Variants in DNAH8 observed in about 807,000 individuals in gnomAD.
DNAH8 encodes dynein axonemal heavy chain 8.
DNAH8 carries 382 observed loss-of-function variants against 562.1 expected under a neutral mutation model. That is an observed-to-expected ratio of 0.68 (90% confidence interval 0.63 to 0.74). The LOEUF is 0.74. Among genes scored for constraint, DNAH8 ranks in the 30% least tolerant of loss-of-function variants. DNAH8 has a pLI of 0.00. For synonymous variants in DNAH8, 1,881 were observed against 1,919.4 expected, an observed-to-expected ratio of 0.98 and a Z score of 0.52; for missense variants, 5,203 against 5,620.4, an observed-to-expected ratio of 0.93 and a Z score of 2.37.
chr6:38,987,378 A>G (rs1050401296), intron 87 of DNAH8, among the ~76,000 whole-genome samples: 2 of 152,054 alleles, frequency 1.3e-5, no homozygotes, highest in African/African-American at 4.8e-5. Flanking sequence ...GCTGACTTCA[A>G]CCCTCTCCTA....
chr6:39,025,051 AT>A (rs1437805530), intron 91 of DNAH8, among the ~76,000 whole-genome samples: 14 of 152,158 alleles, frequency 9.2e-5, no homozygotes, highest in Admixed American at 9.2e-4. Flanking sequence ...GCTTCTCTCC[AT>A]CCACAGACTT....
chr6:38,930,274 AGT>A (rs1253316462), intron 75 of DNAH8, among the ~76,000 whole-genome samples: 1 of 152,102 alleles, frequency 6.6e-6, no homozygotes, highest in East Asian at 1.9e-4. Context: ...AATTTGTATA[AGT>A]GTTTCATGTT....
At chr6:38,731,682 A>G (rs1489929979) in intron 4 of DNAH8, among the ~76,000 whole-genome samples, 2 of 152,194 alleles carry the variant, frequency 1.3e-5, no homozygotes, top group African/African-American at 4.8e-5. Context: ...TACATTTATC[A>G]GTTTGGTAAA....
intron 82 of DNAH8, among the ~76,000 whole-genome samples, chr6:38,955,524 G>A (rs571534170): frequency 4.4e-4 from 67 of 152,068 alleles, no homozygotes; most frequent in African/African-American, 1.5e-3. Context: ...CCAGTTACTC[G>A]GGAGGCTGAG....
chr6:38,715,921 AATAAAT>A (rs1323560368), intron 1 of DNAH8, among the ~76,000 whole-genome samples: 27 of 43,418 alleles, frequency 6.2e-4, no homozygotes, highest in African/African-American at 1.8e-3. Flanking sequence ...TAAATAAATA[AATAAAT>A]ATATATATAT....
In DNAH8 at chr6:38,938,553, A is replaced by G. The variant is rs191931720; in HGVS notation, c.11817-245A>G. Among the ~76,000 whole-genome samples, 220 of 152,296 alleles carry G rather than the reference A, an allele frequency of 1.4e-3. 1 individual carries two copies. Among genetic ancestry groups the G allele is most frequent in the African/African-American group, 5.1e-3 (211 of 41,570 alleles). ...GGAACTAAATGATGATACCACATGG[A>G]CACATAGAGGAGAACAACAGACACT... is the stretch of plus-strand genomic sequence containing the variant. On this transcript the variant is annotated intron_variant, in intron 78 of 92. Coordinates refer to ENST00000327475, the MANE Select transcript of DNAH8 (RefSeq NM_001206927.2).
At chr6:38,768,723 TATAAG>T (rs1447357849) in intron 11 of DNAH8, among the ~76,000 whole-genome samples, 3 of 152,252 alleles carry the variant, frequency 2.0e-5, no homozygotes, top group Non-Finnish European at 4.4e-5. Flanking sequence ...TGTCTTACTA[TATAAG>T]ATGTCTCCTT....
intron 88 of DNAH8, among the ~76,000 whole-genome samples, chr6:39,003,168 C>G (rs559770782): frequency 1.3e-5 from 2 of 152,246 alleles, no homozygotes; most frequent in Admixed American, 1.3e-4. Flanking sequence ...ATTCGTGTGG[C>G]AAATTTCACA....
intron 81 of DNAH8, among the ~76,000 whole-genome samples, chr6:38,949,864 ATGC>A (rs1761740954): frequency 6.6e-6 from 1 of 152,202 alleles, no homozygotes; most frequent in South Asian, 2.1e-4. Context: ...CGTGAAAAAT[ATGC>A]TTTTAATATT....
chr6:38,952,666 A>G (rs768147765), intron 82 of DNAH8, among the ~76,000 whole-genome samples: 16 of 152,164 alleles, frequency 1.1e-4, no homozygotes, highest in Non-Finnish European at 1.6e-4. Flanking sequence ...CTACGGTAGC[A>G]TGGTCCATGT....
rs75168634 is a variant in DNAH8, at chr6:38,866,399, A to G, written c.6499-192A>G. 0.051 allele frequency among the ~76,000 whole-genome samples: 7,767 copies of G among 152,234 alleles called. 444 individuals are homozygous for G. Among genetic ancestry groups the G allele is most frequent in the East Asian group, 0.3 (1,563 of 5,182 alleles). On this transcript the variant is annotated intron_variant, in intron 45 of 92. Coordinates refer to ENST00000327475, the MANE Select transcript of DNAH8 (RefSeq NM_001206927.2). ...GACTTTATTAATATCATGAAAATGG[A>G]AATATATAAAAGGGCATATAAATAT...
intron 29 of DNAH8, 147 bp downstream of exon 29, chr6:38,826,538 GGA>G: frequency 1.6e-6 from 1 of 616,482 alleles, no homozygotes; most frequent in South Asian, 2.2e-5. Context: ...GATGTCTTTG[GGA>G]GAATTTTGGC....
intron 82 of DNAH8, 64 bp downstream of exon 82, chr6:38,951,584 T>C (rs1761911940): frequency 1.4e-6 from 2 of 1,410,118 alleles, no homozygotes; most frequent in African/African-American, 2.9e-5. Flanking sequence ...AATTTTGCCT[T>C]TCGTAATTTT....
intron 82 of DNAH8, among the ~76,000 whole-genome samples, chr6:38,952,467 T>C (rs1761980806): frequency 6.6e-6 from 1 of 152,244 alleles, no homozygotes; most frequent in Non-Finnish European, 1.5e-5. Flanking sequence ...GTCAGGTATC[T>C]GTAACTATAC....
At chr6:38,945,114 A>T (rs548723945) in intron 79 of DNAH8, among the ~76,000 whole-genome samples, 2 of 152,312 alleles carry the variant, frequency 1.3e-5, no homozygotes, top group East Asian at 3.9e-4. Flanking sequence ...AAGAAGTGAT[A>T]TTTAAAATCC....
intron 26 of DNAH8, among the ~76,000 whole-genome samples, chr6:38,818,187 A>T (rs969244131): frequency 6.6e-6 from 1 of 152,160 alleles, no homozygotes; most frequent in Non-Finnish European, 1.5e-5. Flanking sequence ...CACAAACCTA[A>T]TAAGAGGGCT....
chr6:38,873,610 T>C (rs188597132), intron 52 of DNAH8, among the ~76,000 whole-genome samples: 201 of 152,292 alleles, frequency 1.3e-3, no homozygotes, highest in Admixed American at 2.6e-3. Flanking sequence ...GGGAATGAAC[T>C]ATCTTTCCCA....
chr6:38,863,799 A>G, intron 44 of DNAH8, 74 bp from the exon 45 acceptor site: 3 of 1,233,668 alleles, frequency 2.4e-6, no homozygotes, highest in Non-Finnish European at 3.4e-6. Context: ...GTTTGGGAGC[A>G]CTGGAGAAAT....
intron 47 of DNAH8, among the ~76,000 whole-genome samples, chr6:38,867,245 G>GTGTGTGTGTA (rs1777107584): frequency 6.6e-6 from 1 of 151,758 alleles, no homozygotes; most frequent in African/African-American, 2.4e-5. Flanking sequence ...GTGTGTGTGT[G>GTGTGTGTGTA]TGTGTGTGTG....
Sources: gnomAD v4.1 joint callset for allele counts (sites outside exome capture counted in the v4.1 genomes callset) on GRCh38, gnomAD v4.1.1 for gene constraint, MANE v1.5 for transcripts, NCBI Gene and HGNC (gene_info 2026-07-23, HGNC 2026-07-21) for gene names.